EDC3: variants seen among roughly 807,000 people sequenced by gnomAD.
EDC3 encodes the protein enhancer of mRNA-decapping protein 3.
EDC3 carries 20 observed loss-of-function variants against 41.8 expected under a neutral mutation model. That is an observed-to-expected ratio of 0.48 (90% confidence interval 0.34 to 0.70). The LOEUF is 0.70. EDC3 is among the 30% of genes least tolerant of loss of function. The pLI is 0.01. For synonymous variants in EDC3, 206 were observed against 243.2 expected, an observed-to-expected ratio of 0.85 and a Z score of 1.42; for missense variants, 444 against 636.8, an observed-to-expected ratio of 0.70 and a Z score of 3.26.
At chr15:74,654,369 G>A (rs996375197) in intron 4 of EDC3, among the ~76,000 whole-genome samples, 20 of 152,310 alleles carry the variant, frequency 1.3e-4, no homozygotes, top group Non-Finnish European at 1.8e-4. Flanking sequence ...CTAGCAGCAG[G>A]AGCAGCTTCT....
intron 3 of EDC3, among the ~76,000 whole-genome samples, chr15:74,658,313 A>G (rs1318485701): frequency 2.6e-5 from 4 of 152,112 alleles, no homozygotes; most frequent in Non-Finnish European, 5.9e-5. Flanking sequence ...AACTCTTCTC[A>G]TTGCAACCTC....
intron 1 of EDC3, among the ~76,000 whole-genome samples, chr15:74,690,537 T>A (rs1335794186): frequency 6.6e-6 from 1 of 152,210 alleles, no homozygotes; most frequent in Non-Finnish European, 1.5e-5. Context: ...AAAACAATTA[T>A]AATTAACAGC....
At chr15:74,638,618 G>A (rs1055415924) in intron 5 of EDC3, 4 of 152,098 alleles carry the variant, frequency 2.6e-5, no homozygotes, top group African/African-American at 4.8e-5. Context: ...ACAGGTGTGA[G>A]TCACTGCGCC....
In EDC3 at chr15:74,671,889, G is replaced by A; in HGVS notation, c.165-115C>T. The A allele has an allele frequency of 1.9e-6, 2 of 1,057,018 alleles. No individual in the cohort carries two copies. The highest frequency in any genetic ancestry group is 2.8e-6 in the Non-Finnish European group (2 of 722,470). 65.5% of individuals were successfully genotyped at this position (1,057,018 alleles called of 1,614,324 possible). On this transcript the variant is annotated intron_variant, in intron 2 of 6. Coordinates refer to ENST00000315127, the MANE Select transcript of EDC3 (RefSeq NM_025083.5). This position sits in a 1 kb window ranked among gnomAD's most constrained non-coding sequence, Gnocchi z 4.6. ...AGGACTGCATTTTATTGAGTTATCAGAGGCTAGGAAAGGGGGCTGTGTGCT... is the reference window on the plus strand; with the variant it reads ...AGGACTGCATTTTATTGAGTTATCAAAGGCTAGGAAAGGGGGCTGTGTGCT...
At chr15:74,689,429 T>C (rs2062976274) in intron 1 of EDC3, among the ~76,000 whole-genome samples, 1 of 152,266 alleles carries the variant, frequency 6.6e-6, no homozygotes, top group South Asian at 2.1e-4. Context: ...TTGTAATGAC[T>C]ACTGAATTCA....
intron 2 of EDC3, among the ~76,000 whole-genome samples, chr15:74,672,541 C>A: frequency 6.6e-6 from 1 of 152,152 alleles, no homozygotes; most frequent in East Asian, 1.9e-4. Flanking sequence ...ATGGACTGGG[C>A]ACCATGGCTC....
rs2062692787 is a variant in EDC3, at chr15:74,667,673, T to C, written c.484+3782A>G. Among the ~76,000 whole-genome samples, 3 of 151,878 alleles carry C rather than the reference T, an allele frequency of 2.0e-5. No homozygotes were observed. In the South Asian group the frequency reaches 6.2e-4, roughly 32 times the overall value. On this transcript the variant is annotated intron_variant, in intron 3 of 6. Coordinates refer to ENST00000315127, the MANE Select transcript of EDC3 (RefSeq NM_025083.5). ...GGAGACTAGCCAAAACTGAAATAAT[T>C]TGAGTACCAAAATAAAGTAATATTG...
rs906815203 is a variant in EDC3 at position 74,655,999 on chromosome 15, T to C, written c.554A>G (p.Lys185Arg). 1.9e-6 allele frequency: 3 copies of C among 1,613,976 alleles called. No individual in the cohort carries two copies. Among genetic ancestry groups the C allele is most frequent in the Non-Finnish European group, 2.5e-6 (3 of 1,179,994 alleles). ...KKSGLKNGQM[K>R]NKDDECFGDD... ...CCCGAAGCACTCGTCATCTTTATTCTTCATCTGGCCATTCTTTAAACCACT... is the reference window on the plus strand; with the variant it reads ...CCCGAAGCACTCGTCATCTTTATTCCTCATCTGGCCATTCTTTAAACCACT... The change falls in exon 4 of 7, where the codon AAG becomes AGG. Residue 185 changes from lysine (K) to arginine (R), a missense_variant. Coordinates refer to ENST00000315127, the MANE Select transcript of EDC3 (RefSeq NM_025083.5).
chr15:74,639,522 G>C (rs2062320269), intron 5 of EDC3: 1 of 152,140 alleles, frequency 6.6e-6, no homozygotes, highest in African/African-American at 2.4e-5. Context: ...GGACCAGCCT[G>C]GACAACATGG....
chr15:74,686,844 C>T (rs1279239043), intron 1 of EDC3, among the ~76,000 whole-genome samples: 1 of 151,890 alleles, frequency 6.6e-6, no homozygotes. Context: ...CCAGGCCAGC[C>T]GCAATGGCTC....
intron 5 of EDC3, chr15:74,640,262 A>G: frequency 1.8e-6 from 1 of 569,214 alleles, no homozygotes; most frequent in South Asian, 2.5e-5. Context: ...TGCCAGAAGA[A>G]TAATGAGGAC....
chr15:74,662,351 C>T (rs1290419691), intron 3 of EDC3, among the ~76,000 whole-genome samples: 1 of 151,950 alleles, frequency 6.6e-6, no homozygotes, highest in Non-Finnish European at 1.5e-5. Flanking sequence ...TCATACCTGT[C>T]ACCCAACACT....
chr15:74,669,420 G>C (rs948088490), intron 3 of EDC3, among the ~76,000 whole-genome samples: 1 of 151,166 alleles, frequency 6.6e-6, no homozygotes, highest in Non-Finnish European at 1.5e-5. Context: ...GCTGAGGCAG[G>C]AGAATCACCT....
intron 4 of EDC3, among the ~76,000 whole-genome samples, chr15:74,649,270 C>T (rs533371109): frequency 2.0e-5 from 3 of 151,266 alleles, no homozygotes; most frequent in East Asian, 1.9e-4. Context: ...GGGGTTTCAC[C>T]GTGTTAGCAC....
intron 1 of EDC3, among the ~76,000 whole-genome samples, chr15:74,685,733 C>T (rs1163546745): frequency 2.0e-5 from 3 of 152,068 alleles, no homozygotes; most frequent in African/African-American, 7.2e-5. Flanking sequence ...CAGAAAACAG[C>T]TAGCAGATGA....
chr15:74,658,623 T>TGA lies in EDC3; in HGVS notation c.485-2557_485-2556dup, dbSNP rs1555454557. 7.2e-4 allele frequency among the ~76,000 whole-genome samples: 62 copies of TGA among 86,260 alleles called. No individual in the cohort carries two copies. In the East Asian group the frequency reaches 0.022, roughly 30 times the overall value. 56.6% of individuals were successfully genotyped at this position (86,260 alleles called of 152,430 possible). On this transcript the variant is annotated intron_variant, in intron 3 of 6. Coordinates refer to ENST00000315127, the MANE Select transcript of EDC3 (RefSeq NM_025083.5). ...GCAGTGAAGATGCAATTTACGTCTC[T>TGA]GAAAAAAAAAAAAAAAAAAAAAAAA...
chr15:74,637,649 T>C (rs926711648), intron 5 of EDC3: 3 of 152,230 alleles, frequency 2.0e-5, no homozygotes, highest in Admixed American at 1.3e-4. Context: ...GTAAGCCTGC[T>C]TGAATTAAGA....
At position 74,632,612 on chromosome 15, in the gene EDC3, C is replaced by CT. The variant is rs748337043; in HGVS notation, c.1526dup (p.Ter509=). The change falls in exon 7 of 7, where the codon TAG becomes TAAG. Residue 509 remains the stop codon, a frameshift_variant and stop_retained_variant. Coordinates refer to ENST00000315127, the MANE Select transcript of EDC3 (RefSeq NM_025083.5). LOFTEE classifies it high-confidence loss of function. This position sits in a 1 kb window ranked among gnomAD's most constrained non-coding sequence, Gnocchi z 4.0. ...CKFVIPLHSA[*] The stretch of plus-strand genomic sequence containing the variant: ...AGAGTCCTGCCTGCGCAGGAACCCT[C>CT]TAAGCAGAGTGCAGTGGGATAACAA... The CT allele has an allele frequency of 6.2e-7, 1 of 1,613,136 alleles. No individual in the cohort carries two copies. The highest frequency in any genetic ancestry group is 1.7e-5 in the Admixed American group (1 of 60,030).
At position 74,632,521 on chromosome 15, in the gene EDC3, C is replaced by CT. The variant is rs999686251; in HGVS notation, c.*90dup. ...AGAAACAAACCCAAAAGAGAAAAAA[C>CT]TTTAACAAGGTCCATGAAGCTTCAT... On this transcript the variant is annotated 3_prime_UTR_variant, in exon 7 of 7. Coordinates refer to ENST00000315127, the MANE Select transcript of EDC3 (RefSeq NM_025083.5). This position sits in a 1 kb window ranked among gnomAD's most constrained non-coding sequence, Gnocchi z 4.0. 2.8e-6 allele frequency: 4 copies of CT among 1,445,812 alleles called. No individual in the cohort carries two copies. In the African/African-American group the frequency reaches 4.3e-5, roughly 15 times the overall value. The allele number at this position is 1,445,812 out of a possible 1,614,324, so 89.6% of individuals were successfully genotyped here.
Sources: gnomAD v4.1 joint callset for allele counts (sites outside exome capture counted in the v4.1 genomes callset) on GRCh38, gnomAD v4.1.1 for gene constraint, Gnocchi (gnomAD v3.1) non-coding constraint, MANE v1.5 for transcripts, NCBI Gene and HGNC (gene_info 2026-07-23, HGNC 2026-07-21) for gene names.